The following PTGES variants were observed in gnomAD, a reference collection of about 807,000 sequenced individuals.
PTGES encodes MGST1-like 1.
PTGES carries 3 observed loss-of-function variants against 11.8 expected under a neutral mutation model. That is an observed-to-expected ratio of 0.25 (90% CI 0.12 to 0.66). The LOEUF is 0.66. Ranked by LOEUF, PTGES falls within the 30% of genes least tolerant of loss-of-function variation. The pLI is 0.82. For missense variants in PTGES, 180 were observed against 213.0 expected (o/e 0.85, Z 0.96); for synonymous variants, 94 against 90.4 (o/e 1.04, Z -0.22).
rs746244911 is a variant in PTGES, at chr9:129,745,339, G to T, written c.209+3316C>A. ...TTTGGACTGCAGCATGTGCTAACCT[G>T]CAAGGCAGATTCATGCTCCAAGAAC... On this transcript the variant is annotated intron_variant, in intron 2 of 2. Coordinates refer to ENST00000340607, the MANE Select transcript of PTGES (RefSeq NM_004878.5). The surrounding 1 kb of genome is among the most constrained non-coding windows in gnomAD (Gnocchi z 4.2). Among the ~76,000 whole-genome samples, 1 of 152,190 alleles carries T rather than the reference G, an allele frequency of 6.6e-6. No individual in the cohort carries two copies. Among genetic ancestry groups the T allele is most frequent in the Non-Finnish European group, 1.5e-5 (1 of 68,038 alleles).
At chr9:129,741,169 A>G (rs989974536) in intron 2 of PTGES, among the ~76,000 whole-genome samples, 2 of 152,208 alleles carry the variant, frequency 1.3e-5, no homozygotes, top group African/African-American at 4.8e-5. Context: ...AGAAGCCTGA[A>G]TGATGAGAAG....
chr9:129,740,940 G>A (rs752826967), intron 2 of PTGES, among the ~76,000 whole-genome samples: 162 of 152,294 alleles, frequency 1.1e-3, no homozygotes, highest in Non-Finnish European at 1.8e-3. Flanking sequence ...CAATAACACC[G>A]TCTCCTCGGG....
intron 1 of PTGES, among the ~76,000 whole-genome samples, chr9:129,749,015 C>T (rs868334892): frequency 6.6e-6 from 1 of 152,176 alleles, no homozygotes; most frequent in African/African-American, 2.4e-5. Context: ...AAGAAGAAGG[C>T]ACGGCTGGCC....
At chr9:129,752,619 C>T (rs984754989) in intron 1 of PTGES, among the ~76,000 whole-genome samples, 12 of 152,410 alleles carry the variant, frequency 7.9e-5, no homozygotes, top group African/African-American at 2.4e-4. Flanking sequence ...ACCTGCTTCT[C>T]TCACAGACAC....
chr9:129,742,301 G>T (rs1324652679), intron 2 of PTGES, among the ~76,000 whole-genome samples: 1 of 149,140 alleles, frequency 6.7e-6, no homozygotes, highest in Non-Finnish European at 1.5e-5. Flanking sequence ...CTCCAGCCTG[G>T]GCGACAGAGT....
intron 2 of PTGES, among the ~76,000 whole-genome samples, chr9:129,747,053 C>T (rs544204574): frequency 3.3e-5 from 5 of 152,332 alleles, no homozygotes; most frequent in South Asian, 2.1e-4. Context: ...GCTGGGACTA[C>T]GGGCCCGTGC....
At chr9:129,746,557 AT>A (rs1444085612) in intron 2 of PTGES, among the ~76,000 whole-genome samples, 10 of 151,750 alleles carry the variant, frequency 6.6e-5, no homozygotes, top group Non-Finnish European at 2.9e-5. Flanking sequence ...TGGACATATT[AT>A]TGTCAATGGC....
chr9:129,750,996 G>C (rs1833100626), intron 1 of PTGES, among the ~76,000 whole-genome samples: 1 of 152,156 alleles, frequency 6.6e-6, no homozygotes, highest in Admixed American at 6.5e-5. Context: ...AAGGCTCTGG[G>C]ACAGGTTCAC....
In PTGES at chr9:129,739,906, G is replaced by T; in HGVS notation, c.210-46C>A. ...CGGTCAGCCAGGTATTAGCTTTGGGGCCATAGGCCCTTTTGAGAGTGTCAT... is the reference window on the plus strand; with the variant it reads ...CGGTCAGCCAGGTATTAGCTTTGGGTCCATAGGCCCTTTTGAGAGTGTCAT... On this transcript the variant is annotated intron_variant, in intron 2 of 2. Transcript: ENST00000340607. The surrounding 1 kb of genome is among the most constrained non-coding windows in gnomAD (Gnocchi z 5.7). 1 of 1,534,668 alleles carries T rather than the reference G, an allele frequency of 6.5e-7. No individual in the cohort carries two copies. The highest frequency in any genetic ancestry group is 8.8e-7 in the Non-Finnish European group (1 of 1,137,474).
At position 129,738,422 on chromosome 9, in the gene PTGES, C is replaced by T. The variant is rs1321712681; in HGVS notation, c.*1189G>A. 6.8e-6 allele frequency: 1 copy of T among 147,058 alleles called. No individual in the cohort carries two copies. Among genetic ancestry groups the T allele is most frequent in the Non-Finnish European group, 1.5e-5 (1 of 66,612 alleles). 9.1% of individuals were successfully genotyped at this position (147,058 alleles called of 1,614,324 possible). On this transcript the variant is annotated 3_prime_UTR_variant, in exon 3 of 3. Transcript: ENST00000340607. The surrounding 1 kb of genome is among the most constrained non-coding windows in gnomAD (Gnocchi z 4.2). ...GGGTCTAGGAGAAAACACACACACA[C>T]ACACACACACACACACACACACACA...
chr9:129,752,792 AC>A, intron 1 of PTGES, 94 bp downstream of exon 1: 1 of 1,591,846 alleles, frequency 6.3e-7, no homozygotes, highest in East Asian at 2.2e-5. Context: ...CCCTGCACAC[AC>A]CTTGGCCATG....
intron 2 of PTGES, among the ~76,000 whole-genome samples, chr9:129,748,087 C>T (rs10448290): frequency 0.11 from 15,570 of 148,120 alleles, 872 homozygotes; most frequent in East Asian, 0.19. Flanking sequence ...AAATGCCCAT[C>T]GCAGGGGAAT....
intron 2 of PTGES, among the ~76,000 whole-genome samples, chr9:129,742,352 A>G (rs994510215): frequency 2.7e-5 from 4 of 148,082 alleles, no homozygotes; most frequent in African/African-American, 1.0e-4. Flanking sequence ...AAAAAAAAAC[A>G]TAAAACAAAA....
intron 1 of PTGES, among the ~76,000 whole-genome samples, chr9:129,749,302 C>G (rs1214772117): frequency 1.3e-5 from 2 of 151,908 alleles, no homozygotes; most frequent in African/African-American, 4.8e-5. Context: ...ATTGCTTGAG[C>G]TTCCAGGAGT....
intron 2 of PTGES, among the ~76,000 whole-genome samples, chr9:129,744,571 CAAAAAAAAAAAAA>C (rs60799589): frequency 2.0e-5 from 1 of 50,372 alleles, no homozygotes; most frequent in East Asian, 6.5e-4. Flanking sequence ...GACCCTGTCA[CAAAAAAAAAAAAA>C]AAAAAAAAAG....
At chr9:129,740,641 A>AC (rs1832986223) in intron 2 of PTGES, among the ~76,000 whole-genome samples, 1 of 152,170 alleles carries the variant, frequency 6.6e-6, no homozygotes, top group East Asian at 1.9e-4. Context: ...GTATAACCCC[A>AC]CCATAAATAA....
chr9:129,744,343 G>A (rs1833029657), intron 2 of PTGES, among the ~76,000 whole-genome samples: 1 of 152,148 alleles, frequency 6.6e-6, no homozygotes, highest in South Asian at 2.1e-4. Flanking sequence ...ATCTCAGGCT[G>A]AAGTGGGAGG....
intron 2 of PTGES, among the ~76,000 whole-genome samples, chr9:129,740,995 C>G (rs927115661): frequency 6.6e-6 from 1 of 152,196 alleles, no homozygotes; most frequent in African/African-American, 2.4e-5. Flanking sequence ...GCTGCAGGGT[C>G]CTCCTCTTCC....
At chr9:129,742,285 A>G (rs1297817674) in intron 2 of PTGES, among the ~76,000 whole-genome samples, 1 of 148,012 alleles carries the variant, frequency 6.8e-6, no homozygotes, top group Non-Finnish European at 1.5e-5. Context: ...AGATCGTGTC[A>G]CTTCACTCCA....
Sources: allele counts gnomAD v4.1 joint callset (sites outside exome capture counted in the v4.1 genomes callset), GRCh38; gene constraint gnomAD v4.1.1; non-coding constraint Gnocchi (gnomAD v3.1); transcripts MANE v1.5; gene names NCBI Gene and HGNC (gene_info 2026-07-23, HGNC 2026-07-21).